NTN1: variants seen among roughly 807,000 people sequenced by gnomAD.
The protein encoded by NTN1 is netrin-1.
In NTN1, 11 loss-of-function variants were observed where a neutral mutation model predicts 54.2. The ratio of observed to expected loss-of-function variants is 0.20; its 90% CI spans 0.13 to 0.34. The LOEUF (loss-of-function observed/expected upper bound fraction) is 0.34. NTN1 is among the 10% of genes least tolerant of loss of function. The pLI, the probability that NTN1 is intolerant of heterozygous loss-of-function variation, is 1.00. For synonymous variants in NTN1, 371 were observed against 382.0 expected, an observed-to-expected ratio of 0.97 and a Z score of 0.33; for missense variants, 740 against 893.1, an observed-to-expected ratio of 0.83 and a Z score of 2.18.
chr17:9,213,917 G>T (rs532492257), intron 5 of NTN1, among the ~76,000 whole-genome samples: 6 of 151,848 alleles, frequency 4.0e-5, no homozygotes, highest in Non-Finnish European at 7.4e-5. Context: ...GGCTAAAGTT[G>T]TATATACTAG....
rs373985710 is a variant in NTN1 at position 9,058,614 on chromosome 17, A to G, written c.1018+35223A>G. Among the ~76,000 whole-genome samples the G allele has an allele frequency of 1.3e-4, 18 of 139,102 alleles. No homozygotes were observed. In the East Asian group the frequency reaches 2.7e-3, roughly 21 times the overall value. 91.3% of individuals were successfully genotyped at this position (139,102 alleles called of 152,430 possible). On this transcript the variant is annotated intron_variant, in intron 2 of 6. Coordinates refer to ENST00000173229, the MANE Select transcript of NTN1 (RefSeq NM_004822.3). ...TTGCAAGGCTTAGGGTCCATGTAAGATCCTTGGCCCATGGTAGGCACTCAA... is the reference window on the plus strand; with the variant it reads ...TTGCAAGGCTTAGGGTCCATGTAAGGTCCTTGGCCCATGGTAGGCACTCAA...
At chr17:9,233,062 ATGG>A (rs1267145219) in intron 6 of NTN1, among the ~76,000 whole-genome samples, 105 of 152,054 alleles carry the variant, frequency 6.9e-4, no homozygotes, top group African/African-American at 2.4e-3. Flanking sequence ...ACAGGAAGGT[ATGG>A]CTGTGTAGGG....
At chr17:9,014,706 T>A in the NTN1 span, among the ~76,000 whole-genome samples, 4 of 152,214 alleles carry the variant, frequency 2.6e-5, no homozygotes, top group Non-Finnish European at 5.9e-5. Context: ...GCTGTACTAC[T>A]GGGAGTACTG....
At chr17:9,161,651 A>C (rs1328706668) in intron 2 of NTN1, among the ~76,000 whole-genome samples, 1 of 152,018 alleles carries the variant, frequency 6.6e-6, no homozygotes, top group East Asian at 1.9e-4. Flanking sequence ...GGTGGTGTGC[A>C]CCTGTAATCC....
At chr17:9,229,336 T>C (rs1905728280) in intron 6 of NTN1, among the ~76,000 whole-genome samples, 1 of 152,212 alleles carries the variant, frequency 6.6e-6, no homozygotes, top group African/African-American at 2.4e-5. Context: ...CTCCCGCTGC[T>C]GGGACCCGGA....
chr17:9,060,868 C>T (rs142573139), intron 2 of NTN1, among the ~76,000 whole-genome samples: 3,716 of 148,822 alleles, frequency 0.025, 85 homozygotes, highest in Non-Finnish European at 0.043. Flanking sequence ...CCAAGCTACT[C>T]GGGAGGCTGA....
At chr17:9,075,455 T>G (rs917415022) in intron 2 of NTN1, among the ~76,000 whole-genome samples, 1 of 152,100 alleles carries the variant, frequency 6.6e-6, no homozygotes, top group Admixed American at 6.6e-5. Context: ...GCACTCCAGC[T>G]GGGTGACAGA....
chr17:9,137,129 A>G (rs945395996), intron 2 of NTN1, among the ~76,000 whole-genome samples: 1 of 152,064 alleles, frequency 6.6e-6, no homozygotes, highest in Non-Finnish European at 1.5e-5. Flanking sequence ...CCCCTCCTCC[A>G]TGAAGACCTC....
chr17:9,192,291 G>A (rs1904484238), intron 5 of NTN1, among the ~76,000 whole-genome samples: 1 of 152,184 alleles, frequency 6.6e-6, no homozygotes, highest in African/African-American at 2.4e-5. Context: ...AGTACAGCTT[G>A]AGTTACTCAG....
intron 2 of NTN1, among the ~76,000 whole-genome samples, chr17:9,064,583 G>C (rs563950896): frequency 6.6e-6 from 1 of 152,030 alleles, no homozygotes; most frequent in Admixed American, 6.6e-5. Flanking sequence ...TCCCCTACTC[G>C]GTGTATTTCA....
intron 6 of NTN1, among the ~76,000 whole-genome samples, chr17:9,229,080 CTG>C (rs368617356): frequency 1.3e-5 from 2 of 149,568 alleles, no homozygotes; most frequent in East Asian, 3.9e-4. Flanking sequence ...GTGTTTGTGA[CTG>C]TGTGTGTGAC....
intron 2 of NTN1, among the ~76,000 whole-genome samples, chr17:9,153,470 G>A (rs928155931): frequency 6.6e-6 from 1 of 152,076 alleles, no homozygotes; most frequent in Admixed American, 6.6e-5. Context: ...AAACTCTGGG[G>A]GTTGACTCAG....
chr17:9,196,024 G>A, intron 5 of NTN1, among the ~76,000 whole-genome samples: 1 of 152,202 alleles, frequency 6.6e-6, no homozygotes, highest in East Asian at 1.9e-4. Flanking sequence ...CTGGGCTAAA[G>A]GATACATTTG....
chr17:9,015,883 C>T, the NTN1 span, among the ~76,000 whole-genome samples: 93 of 152,018 alleles, frequency 6.1e-4, no homozygotes, highest in Non-Finnish European at 1.9e-4. Context: ...CCAGCCTGGC[C>T]AACATAATGA....
intron 5 of NTN1, among the ~76,000 whole-genome samples, chr17:9,202,029 T>TACACACACACACACACACACACACAC (rs1200661283): frequency 2.2e-4 from 6 of 26,816 alleles, no homozygotes; most frequent in African/African-American, 6.7e-4. Flanking sequence ...CTACTAAAAA[T>TACACACACACACACACACACACACAC]ACACACACAC....
intron 2 of NTN1, among the ~76,000 whole-genome samples, chr17:9,088,973 C>T (rs149983683): frequency 1.8e-4 from 28 of 152,326 alleles, no homozygotes; most frequent in African/African-American, 6.3e-4. Context: ...TCCTCAGCCT[C>T]ATGCCTGGAT....
rs749199790 is a variant in NTN1, at chr17:9,022,963, A to G, written c.590A>G (p.Asn197Ser). 3 of 1,611,272 alleles carry G rather than the reference A, an allele frequency of 1.9e-6. No homozygotes were observed. The highest frequency in any genetic ancestry group is 1.1e-5 in the South Asian group (1 of 90,904). The change falls in exon 2 of 7, where the codon AAC (asparagine) becomes AGC (serine). Residue 197 changes from asparagine (N) to serine (S), a missense_variant. Coordinates refer to ENST00000173229, the MANE Select transcript of NTN1 (RefSeq NM_004822.3). ...RPHRAPITKQ[N>S]EQEAVCTDSH... ...CACCGCGCGCCCATCACCAAGCAGA[A>G]CGAGCAGGAGGCCGTGTGCACCGAC...
At chr17:9,014,668 G>A in the NTN1 span, among the ~76,000 whole-genome samples, 1 of 152,192 alleles carries the variant, frequency 6.6e-6, no homozygotes, top group Non-Finnish European at 1.5e-5. Flanking sequence ...AAATCCTCCT[G>A]GTCACCTCTG....
At chr17:9,188,160 G>A (rs987931743) in intron 5 of NTN1, among the ~76,000 whole-genome samples, 13 of 152,168 alleles carry the variant, frequency 8.5e-5, no homozygotes, top group Non-Finnish European at 1.6e-4. Flanking sequence ...TGGGTGCAGT[G>A]GCTCACGCCT....
Sources: gnomAD v4.1 joint callset for allele counts (sites outside exome capture counted in the v4.1 genomes callset) on GRCh38, gnomAD v4.1.1 for gene constraint, MANE v1.5 for transcripts, NCBI Gene and HGNC (gene_info 2026-07-23, HGNC 2026-07-21) for gene names.